Variants in RIMS2 observed in about 807,000 individuals in gnomAD.
The protein encoded by RIMS2 is regulating synaptic membrane exocytosis 2, also known as regulating synaptic membrane exocytosis protein 2.
RIMS2 carries 59 observed loss-of-function variants against 174.4 expected under a neutral mutation model. The ratio of observed to expected loss-of-function variants is 0.34; its 90% CI spans 0.27 to 0.42. The LOEUF is 0.42. RIMS2 is among the 10% of genes least tolerant of loss of function. RIMS2 has a pLI of 1.00. For synonymous variants in RIMS2, 606 were observed against 572.5 expected, an observed-to-expected ratio of 1.06 and a Z score of -0.84; for missense variants, 1,620 against 1,666.3, an observed-to-expected ratio of 0.97 and a Z score of 0.48.
At chr8:103,855,070 T>C (rs2099020391) in intron 3 of RIMS2, among the ~76,000 whole-genome samples, 2 of 152,102 alleles carry the variant, frequency 1.3e-5, no homozygotes, top group Admixed American at 1.3e-4. Flanking sequence ...TTCAATCTAT[T>C]CCTGATTCAG....
chr8:103,714,745 G>A (rs2138130785), intron 2 of RIMS2, among the ~76,000 whole-genome samples: 1 of 152,260 alleles, frequency 6.6e-6, no homozygotes, highest in African/African-American at 2.4e-5. Flanking sequence ...AAGTGATAAT[G>A]AGAAGGTAGA....
At chr8:103,915,551 A>T in exon 7 of RIMS2, 6 of 1,603,356 alleles carry the variant, frequency 3.7e-6, no homozygotes, top group Non-Finnish European at 4.3e-6. Flanking sequence ...TTACTAAAGT[A>T]AAAAAAGGAA....
chr8:104,251,308 AT>A (rs2099358410), intron 23 of RIMS2, 145 bp downstream of exon 29: 4 of 703,800 alleles, frequency 5.7e-6, no homozygotes, highest in Non-Finnish European at 9.4e-6. Context: ...GGCCCGTGCT[AT>A]AAAGCAATAT....
intron 19 of RIMS2, among the ~76,000 whole-genome samples, chr8:104,244,503 T>G (rs571429105): frequency 3.3e-5 from 5 of 152,222 alleles, no homozygotes; most frequent in Admixed American, 3.3e-4. Context: ...TTACTATGAT[T>G]AAAAGAAAGG....
intron 19 of RIMS2, among the ~76,000 whole-genome samples, chr8:104,101,055 A>G (rs1213164091): frequency 1.4e-5 from 2 of 143,568 alleles, no homozygotes; most frequent in Non-Finnish European, 3.0e-5. Context: ...TATATTACAT[A>G]TGTAATATAT....
At chr8:103,563,771 A>G (rs1451182790) in intron 1 of RIMS2, among the ~76,000 whole-genome samples, 4 of 152,212 alleles carry the variant, frequency 2.6e-5, no homozygotes, top group Non-Finnish European at 1.5e-5. Flanking sequence ...AAAGAGGTTT[A>G]ATGGACTTAC....
chr8:103,694,974 G>A (rs139557396), intron 1 of RIMS2, among the ~76,000 whole-genome samples: 1 of 152,348 alleles, frequency 6.6e-6, no homozygotes, highest in East Asian at 1.9e-4. Context: ...CAACCCTGAT[G>A]TCTGAGACTG....
At chr8:104,034,486 T>C (rs1391889254) in intron 19 of RIMS2, among the ~76,000 whole-genome samples, 2 of 146,396 alleles carry the variant, frequency 1.4e-5, no homozygotes, top group African/African-American at 2.6e-5. Flanking sequence ...TTTTTTTTTT[T>C]TGAAACAGAG....
At chr8:103,702,852 G>GTTTTTTTTTT (rs59947900) in intron 2 of RIMS2, among the ~76,000 whole-genome samples, 1 of 117,264 alleles carries the variant, frequency 8.5e-6, no homozygotes, top group African/African-American at 3.2e-5. Flanking sequence ...TCCTCCAGCT[G>GTTTTTTTTTT]TTTTTTTTTT....
intron 16 of RIMS2, 92 bp from the exon 19 acceptor site, chr8:103,989,213 C>T (rs912132508): frequency 2.2e-5 from 17 of 767,776 alleles, no homozygotes; most frequent in Admixed American, 7.0e-5. Context: ...CATATAGTGA[C>T]TTTGTCTTTT....
At chr8:103,759,588 A>AG (rs1491486495) in intron 2 of RIMS2, among the ~76,000 whole-genome samples, 12 of 145,534 alleles carry the variant, frequency 8.2e-5, no homozygotes, top group Non-Finnish European at 1.4e-4. Flanking sequence ...AAAAAAAAAA[A>AG]GAAAAGAAAA....
chr8:103,523,470 G>A (rs1832671502), intron 1 of RIMS2, among the ~76,000 whole-genome samples: 1 of 152,110 alleles, frequency 6.6e-6, no homozygotes, highest in African/African-American at 2.4e-5. Context: ...TAAAATATCT[G>A]TCTTGAATAA....
At chr8:103,976,548 CTT>C (rs768820871) in intron 16 of RIMS2, 10 of 124,566 alleles carry the variant, frequency 8.0e-5, no homozygotes, top group Middle Eastern at 4.2e-3. Context: ...TTTTCTTTTT[CTT>C]TTTTTTTTTT....
intron 13 of RIMS2, among the ~76,000 whole-genome samples, chr8:103,941,499 TAAAG>T (rs1298190895): frequency 1.4e-5 from 2 of 148,078 alleles, no homozygotes; most frequent in Non-Finnish European, 3.0e-5. Context: ...AAACAAAAAA[TAAAG>T]AATGAAATAT....
chr8:104,054,736 T>C (rs1229655786), intron 19 of RIMS2, among the ~76,000 whole-genome samples: 1 of 152,158 alleles, frequency 6.6e-6, no homozygotes, highest in Non-Finnish European at 1.5e-5. Flanking sequence ...ATAATCAGAA[T>C]TTATTTTAAT....
intron 2 of RIMS2, among the ~76,000 whole-genome samples, chr8:103,733,777 G>A (rs902351744): frequency 3.9e-4 from 60 of 151,962 alleles, no homozygotes; most frequent in African/African-American, 1.4e-3. Flanking sequence ...CACACTTCAT[G>A]GTTGCTGCTG....
At chr8:104,080,629 G>A (rs1014976485) in intron 19 of RIMS2, among the ~76,000 whole-genome samples, 2 of 151,938 alleles carry the variant, frequency 1.3e-5, no homozygotes, top group South Asian at 2.1e-4. Context: ...CAGTCATCCA[G>A]GGTAACATGG....
chr8:103,735,632 G>A (rs2097675781), intron 2 of RIMS2, among the ~76,000 whole-genome samples: 4 of 152,114 alleles, frequency 2.6e-5, no homozygotes, highest in Admixed American at 2.6e-4. Context: ...ATTGCTGATG[G>A]TGTGTCTCTT....
chr8:104,072,853 T>G (rs944459131), intron 19 of RIMS2, among the ~76,000 whole-genome samples: 6 of 152,136 alleles, frequency 3.9e-5, no homozygotes, highest in Non-Finnish European at 5.9e-5. Flanking sequence ...ACTAGAAAAC[T>G]TGAAAGAAGA....
Sources: allele counts gnomAD v4.1 joint callset (sites outside exome capture counted in the v4.1 genomes callset), GRCh38; gene constraint gnomAD v4.1.1; transcripts MANE v1.5; gene names NCBI Gene and HGNC (gene_info 2026-07-23, HGNC 2026-07-21).